SUMF1: variants seen among roughly 807,000 people sequenced by gnomAD.
SUMF1 encodes sulfatase modifying factor 1.
A neutral mutation model predicts 47.6 loss-of-function variants in SUMF1; 48 were observed. The observed-to-expected ratio is 1.01, with a 90% CI of 0.80 to 1.28. SUMF1 has a LOEUF of 1.28. SUMF1 is among the 50% of genes most tolerant of loss of function. SUMF1 has a pLI of 0.00. For missense variants in SUMF1, 571 were observed against 485.4 expected, an observed-to-expected ratio of 1.18 and a Z score of -1.66; for synonymous variants, 230 against 192.1, an observed-to-expected ratio of 1.20 and a Z score of -1.63.
At chr3:4,457,095 T>TATATACG (rs1381236588) in intron 1 of SUMF1, among the ~76,000 whole-genome samples, 1 of 136,266 alleles carries the variant, frequency 7.3e-6, no homozygotes, top group African/African-American at 2.9e-5. Context: ...TATATATATA[T>TATATACG]TTTTTTTGTT....
At chr3:4,288,461 C>T (rs1003170827) in intron 8 of SUMF1, among the ~76,000 whole-genome samples, 1 of 151,690 alleles carries the variant, frequency 6.6e-6, no homozygotes, top group African/African-American at 2.4e-5. Context: ...CAGCTCTTCC[C>T]GTTGAGCTCC....
At chr3:4,100,992 GATAAAAT>G (rs1030239150) in intron 8 of SUMF1, among the ~76,000 whole-genome samples, 7 of 151,942 alleles carry the variant, frequency 4.6e-5, no homozygotes, top group African/African-American at 1.7e-4. Context: ...TTATTAAAAA[GATAAAAT>G]ATAACAAGTA....
chr3:4,049,201 C>T (rs1324014146), intron 9 of SUMF1, among the ~76,000 whole-genome samples: 1 of 152,156 alleles, frequency 6.6e-6, no homozygotes, highest in Non-Finnish European at 1.5e-5. Context: ...CTACATCATC[C>T]TAACTCCAGG....
chr3:4,374,169 C>A (rs1700254085), intron 8 of SUMF1, among the ~76,000 whole-genome samples: 1 of 152,240 alleles, frequency 6.6e-6, no homozygotes, highest in Non-Finnish European at 1.5e-5. Context: ...CAACCCTATA[C>A]TGAAGGTTCT....
At chr3:4,046,632 C>T (rs771936525) in intron 9 of SUMF1, among the ~76,000 whole-genome samples, 1 of 152,168 alleles carries the variant, frequency 6.6e-6, no homozygotes, top group Non-Finnish European at 1.5e-5. Flanking sequence ...TCCCAGCATC[C>T]TGCAAAATCT....
At chr3:4,383,163 G>C (rs1364806802) in intron 7 of SUMF1, among the ~76,000 whole-genome samples, 1 of 152,178 alleles carries the variant, frequency 6.6e-6, no homozygotes, top group Non-Finnish European at 1.5e-5. Flanking sequence ...CGGATCACTG[G>C]AGGTCAGGAG....
chr3:4,036,790 C>T (rs922939763), intron 9 of SUMF1, among the ~76,000 whole-genome samples: 1 of 123,382 alleles, frequency 8.1e-6, no homozygotes, highest in African/African-American at 3.1e-5. Context: ...AATTTTAAAA[C>T]AAGACAGCAA....
At chr3:4,334,173 A>C (rs573381309) in intron 8 of SUMF1, among the ~76,000 whole-genome samples, 1 of 152,296 alleles carries the variant, frequency 6.6e-6, no homozygotes, top group South Asian at 2.1e-4. Flanking sequence ...TCCAAAAAAC[A>C]GGAAACAAAA....
At chr3:4,434,595 G>A (rs1702338227) in intron 3 of SUMF1, among the ~76,000 whole-genome samples, 1 of 152,198 alleles carries the variant, frequency 6.6e-6, no homozygotes, top group East Asian at 1.9e-4. Context: ...TACTGTACCA[G>A]GTGGTACTGT....
chr3:4,175,770 C>A (rs1694946353), intron 8 of SUMF1, among the ~76,000 whole-genome samples: 1 of 152,108 alleles, frequency 6.6e-6, no homozygotes. Flanking sequence ...AAACCCATCA[C>A]AAGGAAGCTA....
At chr3:4,449,829 G>A (rs918606236) in intron 2 of SUMF1, among the ~76,000 whole-genome samples, 4 of 152,168 alleles carry the variant, frequency 2.6e-5, no homozygotes, top group African/African-American at 7.2e-5. Context: ...ATGGAAATCT[G>A]TATTTTAATG....
At chr3:4,300,084 G>T (rs1195630341) in intron 8 of SUMF1, among the ~76,000 whole-genome samples, 1 of 152,174 alleles carries the variant, frequency 6.6e-6, no homozygotes, top group African/African-American at 2.4e-5. Flanking sequence ...ACTGGATCAT[G>T]GGGGCGGGTT....
chr3:4,407,712 T>C (rs193180233), intron 7 of SUMF1, among the ~76,000 whole-genome samples: 21 of 152,336 alleles, frequency 1.4e-4, no homozygotes, highest in African/African-American at 5.1e-4. Flanking sequence ...CTGTGAAGAA[T>C]TGCAGGGCTC....
chr3:4,215,717 T>G (rs569897791), intron 8 of SUMF1, among the ~76,000 whole-genome samples: 28 of 152,258 alleles, frequency 1.8e-4, no homozygotes, highest in African/African-American at 6.7e-4. Context: ...AAAATCAATG[T>G]GCAAAAATCA....
At chr3:4,101,221 G>T (rs563259825) in intron 8 of SUMF1, among the ~76,000 whole-genome samples, 1 of 152,042 alleles carries the variant, frequency 6.6e-6, no homozygotes, top group Non-Finnish European at 1.5e-5. Context: ...ATTCGCAAGA[G>T]TCAAGATATG....
At chr3:4,216,183 C>CAA (rs1054124677) in intron 8 of SUMF1, among the ~76,000 whole-genome samples, 9 of 152,178 alleles carry the variant, frequency 5.9e-5, no homozygotes, top group African/African-American at 1.7e-4. Flanking sequence ...GTACTGGTAT[C>CAA]AAAACAGACA....
chr3:4,081,764 G>A (rs182227545), intron 8 of SUMF1, among the ~76,000 whole-genome samples: 3 of 152,008 alleles, frequency 2.0e-5, no homozygotes, highest in Admixed American at 6.6e-5. Context: ...CTATAATCTC[G>A]GTTACTCAAT....
intron 8 of SUMF1, among the ~76,000 whole-genome samples, chr3:4,241,992 C>T (rs879083550): frequency 7.9e-5 from 12 of 152,224 alleles, no homozygotes; most frequent in South Asian, 4.2e-4. Context: ...CCATGTAGTC[C>T]GTTCCCTACT....
intron 8 of SUMF1, among the ~76,000 whole-genome samples, chr3:4,096,527 A>G (rs1412412697): frequency 6.6e-6 from 1 of 152,124 alleles, no homozygotes; most frequent in East Asian, 1.9e-4. Flanking sequence ...ATGGACTCAG[A>G]CTTCAGACAG....
Sources: allele counts gnomAD v4.1 joint callset (sites outside exome capture counted in the v4.1 genomes callset), GRCh38; gene constraint gnomAD v4.1.1; transcripts MANE v1.5; gene names NCBI Gene and HGNC (gene_info 2026-07-23, HGNC 2026-07-21).